The following DIAPH1 variants were observed in gnomAD, a reference collection of about 807,000 sequenced individuals.
The protein encoded by DIAPH1 is diaphanous related formin 1.
DIAPH1 carries 46 observed loss-of-function variants against 140.7 expected under a neutral mutation model. The observed-to-expected ratio is 0.33, with a 90% CI of 0.26 to 0.42. The LOEUF is 0.42. Ranked by LOEUF, DIAPH1 falls within the 10% of genes least tolerant of loss-of-function variation. DIAPH1 has a pLI of 1.00. For missense variants in DIAPH1, 1,310 were observed against 1,558.7 expected, an observed-to-expected ratio of 0.84 and a Z score of 2.69; for synonymous variants, 565 against 551.6, an observed-to-expected ratio of 1.02 and a Z score of -0.34.
chr5:141,604,592 G>T (rs749232121), intron 1 of DIAPH1, among the ~76,000 whole-genome samples: 32 of 152,226 alleles, frequency 2.1e-4, no homozygotes, highest in Non-Finnish European at 4.1e-4. Flanking sequence ...AAGCCTAGCA[G>T]ACAGCAGGAA....
In DIAPH1 at chr5:141,515,718, C is replaced by G. The variant is rs1489725756; in HGVS notation, c.*1133G>C. 1.3e-5 allele frequency: 2 copies of G among 152,106 alleles called. No homozygotes were observed. The highest frequency in any genetic ancestry group is 6.5e-5 in the Admixed American group (1 of 15,280). 9.4% of individuals were successfully genotyped at this position (152,106 alleles called of 1,614,324 possible). On this transcript the variant is annotated 3_prime_UTR_variant, in exon 28 of 28. Coordinates refer to ENST00000389054, the MANE Select transcript of DIAPH1 (RefSeq NM_005219.5). Reference sequence around the variant, plus strand: ...AGTTCCTGCTACTCTTAGGCCTGGCCCAGCTCAACCAGAGAAGGGGTTCCT... The same window carrying G: ...AGTTCCTGCTACTCTTAGGCCTGGCGCAGCTCAACCAGAGAAGGGGTTCCT...
In DIAPH1 at chr5:141,516,809, C is replaced by T. The variant is rs755667816; in HGVS notation, c.*42G>A. 32 of 1,612,262 alleles carry T rather than the reference C, an allele frequency of 2.0e-5. 1 individual carries two copies. The highest frequency in any genetic ancestry group is 2.5e-5 in the Non-Finnish European group (30 of 1,179,678). On this transcript the variant is annotated 3_prime_UTR_variant, in exon 28 of 28. Coordinates refer to ENST00000389054, the MANE Select transcript of DIAPH1 (RefSeq NM_005219.5). ...GGCACATGCTGCAGGGCAGGACAGT[C>T]TGCGGCTCCGCTGAGGAGCTGCCGC... is the stretch of plus-strand genomic sequence containing the variant.
chr5:141,541,631 G>T (rs575330156), intron 18 of DIAPH1, among the ~76,000 whole-genome samples: 1 of 147,804 alleles, frequency 6.8e-6, no homozygotes, highest in Non-Finnish European at 1.5e-5. Context: ...GTTCTAGTGA[G>T]CCAAGATTGT....
chr5:141,523,993 TG>T, intron 27 of DIAPH1, 149 bp downstream of exon 27: 1 of 753,670 alleles, frequency 1.3e-6, no homozygotes, highest in Non-Finnish European at 2.4e-6. Flanking sequence ...CTCTGTAACA[TG>T]GGAAGAAGAG....
At chr5:141,520,058 T>C (rs541488232) in intron 27 of DIAPH1, among the ~76,000 whole-genome samples, 70 of 152,252 alleles carry the variant, frequency 4.6e-4, no homozygotes, top group African/African-American at 1.6e-3. Flanking sequence ...TTAAAAAGGT[T>C]AGTGATTTGA....
chr5:141,526,566 C>T (rs2099887354), intron 24 of DIAPH1, 105 bp from the exon 25 acceptor site: 1 of 1,358,760 alleles, frequency 7.4e-7, no homozygotes, highest in Non-Finnish European at 1.0e-6. Flanking sequence ...AAGGGATGTT[C>T]AATACAGCAC....
At chr5:141,559,935 ATCAC>A (rs2099893265) in intron 18 of DIAPH1, among the ~76,000 whole-genome samples, 1 of 152,232 alleles carries the variant, frequency 6.6e-6, no homozygotes, top group Non-Finnish European at 1.5e-5. Flanking sequence ...CCATGCATAC[ATCAC>A]TCAGTTTCAA....
In DIAPH1 at chr5:141,601,114, T is replaced by C. The variant is rs551244460; in HGVS notation, c.118-12864A>G. On this transcript the variant is annotated intron_variant, in intron 1 of 27. Transcript: ENST00000389054. The stretch of plus-strand genomic sequence containing the variant: ...AGAGGGGAGGGATAGCATTAGGAGA[T>C]ACACCTAATGTAAATTACAAGTTAA... 1.6e-4 allele frequency among the ~76,000 whole-genome samples: 24 copies of C among 151,986 alleles called. No individual in the cohort carries two copies. The South Asian group carries it at 4.2e-3, about 26-fold the overall frequency.
At chr5:141,580,606 G>A (rs1301201051) in intron 8 of DIAPH1, 138 bp downstream of exon 8, 1 of 831,302 alleles carries the variant, frequency 1.2e-6, no homozygotes, top group East Asian at 2.6e-5. Context: ...AAGATGCTTA[G>A]TGTTCACTTC....
rs761912885 is a variant in DIAPH1 at position 141,573,820 on chromosome 5, G to A, written c.2030C>T (p.Pro677Leu). The change falls in exon 16 of 28, where the codon CCA becomes CTA. Residue 677 changes from proline to leucine, a missense_variant. Transcript: ENST00000389054. ...SSLPGGTAIPPPPPLPGSARI... is the reference protein window; with the variant it reads ...SSLPGGTAIPLPPPLPGSARI... ...AGCACTCCCAGGCAAAGGAGGAGGT[G>A]GGGGGATGGCAGTACCTCCAGGCAA... 19 of 1,518,286 alleles carry A rather than the reference G, an allele frequency of 1.3e-5. No homozygotes were observed. Among genetic ancestry groups the A allele is most frequent in the Middle Eastern group, 1.7e-4 (1 of 5,798 alleles). 94.1% of individuals were successfully genotyped at this position (1,518,286 alleles called of 1,614,324 possible).
Position 141,526,121 on chromosome 5 carries a change from C to T in DIAPH1, c.3491G>A (p.Arg1164Gln), listed in dbSNP as rs768050138. ...KRRETEEKMR[R>Q]AKLAKEKAEK... ...TGCCTTCTCCTTGGCTAGTTTTGCT[C>T]GCCTCATCTTTTCTTCTGTCTCCCG... The change falls in exon 26 of 28, where the codon CGA (arginine) becomes CAA (glutamine). Residue 1164 changes from arginine (R) to glutamine (Q), a missense_variant. By Grantham distance (43) the Arg-to-Gln change is conservative. Transcript: ENST00000389054. The T allele has an allele frequency of 4.3e-6, 7 of 1,613,918 alleles. No homozygotes were observed. Among genetic ancestry groups the T allele is most frequent in the East Asian group, 2.2e-5 (1 of 44,878 alleles).
chr5:141,589,931 T>A (rs1343976037), intron 1 of DIAPH1, among the ~76,000 whole-genome samples: 1 of 151,838 alleles, frequency 6.6e-6, no homozygotes, highest in African/African-American at 2.4e-5. Context: ...TTTTTTTTTT[T>A]AAAGAGACGG....
At chr5:141,609,067 G>A (rs1485943506) in intron 1 of DIAPH1, among the ~76,000 whole-genome samples, 2 of 147,040 alleles carry the variant, frequency 1.4e-5, no homozygotes, top group Non-Finnish European at 1.5e-5. Flanking sequence ...TGAGCCAAGC[G>A]AAAGATAGGT....
chr5:141,548,730 C>T (rs764940071), intron 18 of DIAPH1, among the ~76,000 whole-genome samples: 1 of 151,966 alleles, frequency 6.6e-6, no homozygotes, highest in African/African-American at 2.4e-5. Flanking sequence ...CACCTAAGCC[C>T]GAGGAGGCTG....
intron 11 of DIAPH1, chr5:141,577,903 T>G (rs530425262): frequency 5.0e-5 from 25 of 504,536 alleles, no homozygotes; most frequent in African/African-American, 4.4e-4. Context: ...GTAACTAAAT[T>G]ACTCCCTCTG....
intron 26 of DIAPH1, chr5:141,524,501 A>G (rs2099887010): frequency 4.1e-6 from 2 of 484,916 alleles, no homozygotes; most frequent in South Asian, 2.0e-5. Flanking sequence ...CCCCACCCCA[A>G]TCAGGACTAG....
rs1162981056 is a variant in DIAPH1 at position 141,527,667 on chromosome 5, T to C, written c.3179A>G (p.Asp1060Gly). 3 of 1,588,488 alleles carry C rather than the reference T, an allele frequency of 1.9e-6. No individual in the cohort carries two copies. The highest frequency in any genetic ancestry group is 2.6e-6 in the Non-Finnish European group (3 of 1,170,806). The change falls in exon 24 of 28, where the codon GAT becomes GGT. Residue 1060 changes from aspartate to glycine, a missense_variant. Asp to Gly is a moderately conservative substitution (Grantham distance 94, BLOSUM62 -1). Coordinates refer to ENST00000389054, the MANE Select transcript of DIAPH1 (RefSeq NM_005219.5). ...ATCAGAAATTTGTTTCTTCATCTGA[T>C]CTAGGTTCTTTTGCAAGTTTTCAGC... ...VSAENLQKNL[D>G]QMKKQISDVE...
In DIAPH1 at chr5:141,582,294, G is replaced by C. The variant is rs1012134884; in HGVS notation, c.684+18C>G. ...GGCGTCCAGATGGGGTTTGGAATGAGAATGGGAAAAATCTCACCTTGTTGT... is the reference window on the plus strand; with the variant it reads ...GGCGTCCAGATGGGGTTTGGAATGACAATGGGAAAAATCTCACCTTGTTGT... On this transcript the variant is annotated intron_variant, in intron 7 of 27. Transcript: ENST00000389054. The C allele has an allele frequency of 1.0e-5, 16 of 1,607,546 alleles. No homozygotes were observed. Among genetic ancestry groups the C allele is most frequent in the Middle Eastern group, 1.6e-4 (1 of 6,072 alleles).
chr5:141,580,460 AAG>A (rs2099896582), intron 8 of DIAPH1, among the ~76,000 whole-genome samples: 1 of 151,994 alleles, frequency 6.6e-6, no homozygotes, highest in African/African-American at 2.4e-5. Flanking sequence ...TAAAAAAAAA[AAG>A]AATAGTAAAA....
Sources: gnomAD v4.1 joint callset for allele counts (sites outside exome capture counted in the v4.1 genomes callset) on GRCh38, gnomAD v4.1.1 for gene constraint, MANE v1.5 for transcripts, NCBI Gene and HGNC (gene_info 2026-07-23, HGNC 2026-07-21) for gene names.